The following CYRIA variants were observed in gnomAD, a reference collection of about 807,000 sequenced individuals.
CYRIA encodes CYFIP-related Rac1 interactor A.
CYRIA carries 15 observed loss-of-function variants against 43.9 expected under a neutral mutation model. That is an observed-to-expected ratio of 0.34 (90% CI 0.23 to 0.53). CYRIA has a LOEUF of 0.53. Among genes scored for constraint, CYRIA ranks in the 20% least tolerant of loss-of-function variants. The pLI, the probability that CYRIA is intolerant of heterozygous loss-of-function variation, is 0.94. For missense variants in CYRIA, 236 were observed against 394.2 expected (o/e 0.60, Z 3.40); for synonymous variants, 117 against 136.0 (o/e 0.86, Z 0.97).
intron 3 of CYRIA, among the ~76,000 whole-genome samples, chr2:16,571,552 C>T (rs942449304): frequency 6.6e-6 from 1 of 152,240 alleles, no homozygotes; most frequent in Non-Finnish European, 1.5e-5. Context: ...ATTTTCCTAA[C>T]AACCCGTTTA....
chr2:16,579,955 T>G (rs1002633297), intron 3 of CYRIA, among the ~76,000 whole-genome samples: 4 of 151,874 alleles, frequency 2.6e-5, no homozygotes, highest in East Asian at 3.9e-4. Context: ...AAAGGAAGTT[T>G]TTTTTTTTTT....
intron 3 of CYRIA, among the ~76,000 whole-genome samples, chr2:16,584,609 C>G (rs907953084): frequency 4.6e-5 from 7 of 152,190 alleles, no homozygotes; most frequent in African/African-American, 1.7e-4. Context: ...AGCTCCCAGG[C>G]TTGGCAGCCT....
In CYRIA at chr2:16,550,098, AT is replaced by A. The variant is rs1478542810; in HGVS notation, c.*2837del. 1 of 151,880 alleles carries A rather than the reference AT, an allele frequency of 6.6e-6. No individual in the cohort carries two copies. Among genetic ancestry groups the A allele is most frequent in the African/African-American group, 2.4e-5 (1 of 41,370 alleles). 9.4% of individuals were successfully genotyped at this position (151,880 alleles called of 1,614,324 possible). A position where few individuals can be genotyped will look rare whatever the true frequency, so the allele number is the denominator to read the frequency against. On this transcript the variant is annotated 3_prime_UTR_variant, in exon 12 of 12. Transcript: ENST00000381323. ...CAAAGTAGCAGTGCATCTGAGAAACATAATTTTTACCTCGTTGCTTTCCCAA... is the reference window on the plus strand; with the variant it reads ...CAAAGTAGCAGTGCATCTGAGAAACAAATTTTTACCTCGTTGCTTTCCCAA...
At chr2:16,579,659 C>T (rs1408098232) in intron 3 of CYRIA, among the ~76,000 whole-genome samples, 1 of 151,974 alleles carries the variant, frequency 6.6e-6, no homozygotes, top group Non-Finnish European at 1.5e-5. Context: ...ATATTATAAT[C>T]TCTAAAGCAA....
Position 16,561,024 on chromosome 2 carries a change from T to C in CYRIA, c.676A>G (p.Met226Val). ...IENTTDCLSTMTSVCKVMLET... is the reference protein window; with the variant it reads ...IENTTDCLSTVTSVCKVMLET... ...AGCATGACTTTACAGACACTTGTCA[T>C]TGTGCTGAGGCAGTCTGTGGTGTTC... The change falls in exon 9 of 12, where the codon ATG becomes GTG. Residue 226 changes from methionine (M) to valine (V), a missense_variant. Met to Val is a conservative substitution (Grantham distance 21). Transcript: ENST00000381323. 6.2e-7 allele frequency: 1 copy of C among 1,613,834 alleles called. No homozygotes were observed. The highest frequency in any genetic ancestry group is 8.5e-7 in the Non-Finnish European group (1 of 1,179,784).
chr2:16,563,983 A>T lies in CYRIA; in HGVS notation c.298+6T>A. Reference sequence around the variant, plus strand: ...TGGGCCATGAAAACTACAAATACATACTCACCTAGTCTAATGGAAAACTCG... The same window carrying T: ...TGGGCCATGAAAACTACAAATACATTCTCACCTAGTCTAATGGAAAACTCG... On this transcript the variant is annotated splice_donor_region_variant and intron_variant, in intron 5 of 11. Coordinates refer to ENST00000381323, the MANE Select transcript of CYRIA (RefSeq NM_030797.4). 6.2e-7 allele frequency: 1 copy of T among 1,603,118 alleles called. No homozygotes were observed.
intron 2 of CYRIA, among the ~76,000 whole-genome samples, chr2:16,612,810 C>T (rs561558351): frequency 1.2e-4 from 19 of 152,194 alleles, no homozygotes; most frequent in Non-Finnish European, 2.5e-4. Flanking sequence ...GACTCTGTCC[C>T]CACCCAAAAT....
At chr2:16,612,637 G>C (rs565265274) in intron 2 of CYRIA, among the ~76,000 whole-genome samples, 1 of 152,200 alleles carries the variant, frequency 6.6e-6, no homozygotes, top group Non-Finnish European at 1.5e-5. Context: ...ATGATGACAA[G>C]CCTGCAGAAC....
At chr2:16,642,721 T>C (rs1669711461) in intron 1 of CYRIA, among the ~76,000 whole-genome samples, 1 of 152,226 alleles carries the variant, frequency 6.6e-6, no homozygotes, top group Non-Finnish European at 1.5e-5. Flanking sequence ...CCTCCTAGCT[T>C]GTCCTCAAAT....
At chr2:16,623,105 CATG>C (rs1369299639) in intron 2 of CYRIA, 3 of 152,164 alleles carry the variant, frequency 2.0e-5, no homozygotes, top group East Asian at 3.9e-4. Context: ...GCATTTTTTT[CATG>C]ACTCCTGACC....
intron 3 of CYRIA, among the ~76,000 whole-genome samples, chr2:16,577,816 G>T (rs1667403771): frequency 6.6e-6 from 1 of 152,190 alleles, no homozygotes; most frequent in Non-Finnish European, 1.5e-5. Context: ...AAACCCTCTG[G>T]GTCAGGGGAA....
At chr2:16,565,173 C>G (rs1307660385) in intron 4 of CYRIA, among the ~76,000 whole-genome samples, 1 of 147,280 alleles carries the variant, frequency 6.8e-6, no homozygotes, top group Non-Finnish European at 1.5e-5. Flanking sequence ...GCGATTCATG[C>G]TCTTTTTTTT....
intron 1 of CYRIA, among the ~76,000 whole-genome samples, chr2:16,631,984 CCT>C (rs1348115844): frequency 7.2e-5 from 11 of 152,176 alleles, no homozygotes; most frequent in African/African-American, 1.7e-4. Flanking sequence ...GCGAACACCC[CCT>C]GAGTCCCACA....
At chr2:16,653,109 C>T (rs1428518287) in intron 1 of CYRIA, among the ~76,000 whole-genome samples, 1 of 152,218 alleles carries the variant, frequency 6.6e-6, no homozygotes, top group East Asian at 1.9e-4. Context: ...TGGGCCTGTC[C>T]TGCATGGTGC....
At chr2:16,571,053 A>G (rs1039545414) in intron 3 of CYRIA, among the ~76,000 whole-genome samples, 3 of 152,030 alleles carry the variant, frequency 2.0e-5, no homozygotes, top group Non-Finnish European at 4.4e-5. Flanking sequence ...ATGTGGGGGG[A>G]TGATTTAAAG....
At position 16,565,637 on chromosome 2, in the gene CYRIA, T is replaced by C. The variant is rs780196693; in HGVS notation, c.192+9A>G. 8.4e-6 allele frequency: 13 copies of C among 1,554,838 alleles called. No individual in the cohort carries two copies. The highest frequency in any genetic ancestry group is 1.1e-5 in the Non-Finnish European group (12 of 1,137,960). On this transcript the variant is annotated intron_variant, in intron 4 of 11. Transcript: ENST00000381323. ...GGGTGTTGTCAGTTCAGCGTGATCATTGACATACATCTCGGATCTCTGGGC... is the reference window on the plus strand; with the variant it reads ...GGGTGTTGTCAGTTCAGCGTGATCACTGACATACATCTCGGATCTCTGGGC...
intron 1 of CYRIA, among the ~76,000 whole-genome samples, chr2:16,640,386 G>C (rs1178191214): frequency 6.6e-6 from 1 of 152,218 alleles, no homozygotes; most frequent in Non-Finnish European, 1.5e-5. Context: ...TGATACCATT[G>C]GGGGCCATAG....
chr2:16,616,198 A>G (rs909747024), intron 2 of CYRIA, among the ~76,000 whole-genome samples: 8 of 152,164 alleles, frequency 5.3e-5, no homozygotes, highest in South Asian at 2.1e-4. Flanking sequence ...TGAACATTCT[A>G]CATCTCCCTC....
At chr2:16,605,798 T>C (rs1420518388) in intron 2 of CYRIA, among the ~76,000 whole-genome samples, 1 of 152,204 alleles carries the variant, frequency 6.6e-6, no homozygotes, top group Admixed American at 6.5e-5. Flanking sequence ...TCTCAAGTAT[T>C]TAAATAAACA....
Sources: gnomAD v4.1 joint callset for allele counts (sites outside exome capture counted in the v4.1 genomes callset) on GRCh38, gnomAD v4.1.1 for gene constraint, MANE v1.5 for transcripts, NCBI Gene and HGNC (gene_info 2026-07-23, HGNC 2026-07-21) for gene names.